KLHL14: variants seen among roughly 807,000 people sequenced by gnomAD.
KLHL14 encodes kelch-like protein 14.
In KLHL14, 22 loss-of-function variants were observed where a neutral mutation model predicts 64.3. The ratio of observed to expected loss-of-function variants is 0.34; its 90% CI spans 0.24 to 0.49. The LOEUF is 0.49. KLHL14 is among the 20% of genes least tolerant of loss of function. The pLI is 0.99. For synonymous variants in KLHL14, 322 were observed against 333.4 expected, an observed-to-expected ratio of 0.97 and a Z score of 0.37; for missense variants, 661 against 789.0, an observed-to-expected ratio of 0.84 and a Z score of 1.94.
rs1338513235 is a variant in KLHL14, at chr18:32,724,552, C to A, written c.1069+17376G>T. Among the ~76,000 whole-genome samples, 3 of 152,094 alleles carry A rather than the reference C, an allele frequency of 2.0e-5. No individual in the cohort carries two copies. The East Asian group carries it at 5.8e-4, about 29-fold the overall frequency. Reference sequence around the variant, plus strand: ...CCAGAACAAAGTGGCTTGGACACACCCTTAACCTTGGTTTTCTGACCAACA... The same window carrying A: ...CCAGAACAAAGTGGCTTGGACACACACTTAACCTTGGTTTTCTGACCAACA... On this transcript the variant is annotated intron_variant, in intron 3 of 8. Coordinates refer to ENST00000359358, the MANE Select transcript of KLHL14 (RefSeq NM_020805.3).
intron 3 of KLHL14, among the ~76,000 whole-genome samples, chr18:32,698,294 T>A (rs2049946362): frequency 1.3e-5 from 2 of 152,092 alleles, no homozygotes; most frequent in African/African-American, 4.8e-5. Context: ...AAGCAGATAG[T>A]GGGGGAGGTT....
chr18:32,721,932 A>T (rs542311620), intron 3 of KLHL14, among the ~76,000 whole-genome samples: 112 of 152,124 alleles, frequency 7.4e-4, no homozygotes, highest in African/African-American at 2.3e-3. Context: ...CCCAAATCTC[A>T]CCTTAAATTG....
chr18:32,746,945 C>T (rs1261002149), intron 2 of KLHL14, among the ~76,000 whole-genome samples: 8 of 152,216 alleles, frequency 5.3e-5, no homozygotes, highest in Non-Finnish European at 1.2e-4. Flanking sequence ...AATGCTGTTT[C>T]ACAGCCTTCC....
intron 2 of KLHL14, among the ~76,000 whole-genome samples, chr18:32,757,690 A>C (rs1489504293): frequency 6.6e-6 from 1 of 152,218 alleles, no homozygotes; most frequent in African/African-American, 2.4e-5. Flanking sequence ...GAGTAATGAA[A>C]ATATTTTCCT....
chr18:32,689,807 G>C (rs1364286955), intron 4 of KLHL14, among the ~76,000 whole-genome samples: 2 of 152,178 alleles, frequency 1.3e-5, no homozygotes, highest in Admixed American at 6.5e-5. Context: ...ACAAAATGAA[G>C]GGTTTATCTT....
intron 3 of KLHL14, among the ~76,000 whole-genome samples, chr18:32,735,794 T>C (rs1374157592): frequency 1.3e-5 from 2 of 152,204 alleles, no homozygotes; most frequent in East Asian, 3.8e-4. Flanking sequence ...GTGATATTTG[T>C]TTTGGCTCAG....
intron 4 of KLHL14, among the ~76,000 whole-genome samples, chr18:32,689,840 A>G (rs2049898322): frequency 6.6e-6 from 1 of 152,228 alleles, no homozygotes; most frequent in Admixed American, 6.5e-5. Flanking sequence ...ATTGAACTAA[A>G]AAGGAAGGCC....
intron 2 of KLHL14, among the ~76,000 whole-genome samples, chr18:32,761,572 A>C (rs541105530): frequency 6.6e-6 from 1 of 152,026 alleles, no homozygotes; most frequent in African/African-American, 2.4e-5. Flanking sequence ...TTGCAGAGAA[A>C]GTCTTCTCCA....
At chr18:32,732,038 T>A (rs1268982530) in intron 3 of KLHL14, among the ~76,000 whole-genome samples, 1 of 152,074 alleles carries the variant, frequency 6.6e-6, no homozygotes, top group Non-Finnish European at 1.5e-5. Flanking sequence ...TTGGCCAACA[T>A]GGCAAAACCC....
chr18:32,683,529 C>T lies in KLHL14; in HGVS notation c.1239-2930G>A, dbSNP rs1403755. On this transcript the variant is annotated intron_variant, in intron 5 of 8. Transcript: ENST00000359358. This position sits in a 1 kb window ranked among gnomAD's most constrained non-coding sequence, Gnocchi z 4.2. ...CGCCACATGAAGAACATATAAGGTT[C>T]AGGCTATTTTATTTTGGGGGGAAAG... Among the ~76,000 whole-genome samples, 18,139 of 152,088 alleles carry T rather than the reference C, an allele frequency of 0.12. 1,449 individuals are homozygous for T. The highest frequency in any genetic ancestry group is 0.31 in the East Asian group (1,572 of 5,152).
Position 32,676,504 on chromosome 18 carries a change from T to C in KLHL14, c.1746+669A>G, listed in dbSNP as rs139781488. On this transcript the variant is annotated intron_variant, in intron 8 of 8. Coordinates refer to ENST00000359358, the MANE Select transcript of KLHL14 (RefSeq NM_020805.3). ...AAAATGGATATAAAGGAATTATTGT[T>C]AATTTTTTGGAGTGTGAGTGTATTT... 3.8e-3 allele frequency among the ~76,000 whole-genome samples: 576 copies of C among 152,334 alleles called. 3 individuals carry two copies. Among genetic ancestry groups the C allele is most frequent in the African/African-American group, 0.013 (555 of 41,582 alleles).
At chr18:32,693,512 T>A (rs2049922293) in intron 4 of KLHL14, among the ~76,000 whole-genome samples, 1 of 149,286 alleles carries the variant, frequency 6.7e-6, no homozygotes. Flanking sequence ...AAAGTTATAC[T>A]AAAATTTAAT....
chr18:32,756,445 C>CA (rs907792796), intron 2 of KLHL14, among the ~76,000 whole-genome samples: 13 of 151,494 alleles, frequency 8.6e-5, no homozygotes, highest in South Asian at 4.2e-4. Flanking sequence ...GAAACACTTT[C>CA]AAAAAAAACC....
At chr18:32,684,428 G>A (rs1224822717) in intron 5 of KLHL14, among the ~76,000 whole-genome samples, 1 of 151,858 alleles carries the variant, frequency 6.6e-6, no homozygotes, top group Non-Finnish European at 1.5e-5. Flanking sequence ...GCACTGAGTG[G>A]GAAAAGGCAA....
At chr18:32,719,616 C>T (rs1265389621) in intron 3 of KLHL14, among the ~76,000 whole-genome samples, 2 of 152,218 alleles carry the variant, frequency 1.3e-5, no homozygotes, top group Non-Finnish European at 2.9e-5. Flanking sequence ...CTGCTCTTGT[C>T]GTTTAGGCAC....
At chr18:32,710,443 A>G (rs7241764) in intron 3 of KLHL14, among the ~76,000 whole-genome samples, 47,060 of 152,010 alleles carry the variant, frequency 0.31, 7,796 homozygotes, top group African/African-American at 0.42. Flanking sequence ...TAAGAGTTAC[A>G]TTGGTTTACA....
In KLHL14 at chr18:32,677,167, A is replaced by G. The variant is rs772463759; in HGVS notation, c.1746+6T>C. ...AAAGGAGGATGCAGTAAATGTGGAC[A>G]CATACCATACTCCAGCTGTAGCCTC... On this transcript the variant is annotated splice_donor_region_variant and intron_variant, in intron 8 of 8. Coordinates refer to ENST00000359358, the MANE Select transcript of KLHL14 (RefSeq NM_020805.3). The G allele has an allele frequency of 1.1e-5, 17 of 1,609,168 alleles. No homozygotes were observed. In the African/African-American group the frequency reaches 2.0e-4, roughly 19 times the overall value.
chr18:32,689,276 G>A (rs989029987), intron 4 of KLHL14, among the ~76,000 whole-genome samples: 2 of 152,168 alleles, frequency 1.3e-5, no homozygotes, highest in African/African-American at 4.8e-5. Flanking sequence ...ATCATGTATG[G>A]AGAGTGTATG....
intron 3 of KLHL14, among the ~76,000 whole-genome samples, chr18:32,718,237 A>T (rs1161628134): frequency 6.6e-6 from 1 of 152,214 alleles, no homozygotes; most frequent in African/African-American, 2.4e-5. Context: ...TAGTATCCAA[A>T]TGCTTTTCAC....
Sources: allele counts gnomAD v4.1 joint callset (sites outside exome capture counted in the v4.1 genomes callset), GRCh38; gene constraint gnomAD v4.1.1; non-coding constraint Gnocchi (gnomAD v3.1); transcripts MANE v1.5; gene names NCBI Gene and HGNC (gene_info 2026-07-23, HGNC 2026-07-21).